The following LHFPL2 variants were observed in gnomAD, a reference collection of about 807,000 sequenced individuals.
The protein encoded by LHFPL2 is LHFPL tetraspan subfamily member 2 protein.
LHFPL2 carries 7 observed loss-of-function variants against 17.5 expected under a neutral mutation model. That is an observed-to-expected ratio of 0.40 (90% CI 0.23 to 0.75). LHFPL2 has a LOEUF of 0.75. Among genes scored for constraint, LHFPL2 ranks in the 30% least tolerant of loss-of-function variants. The probability of loss-of-function intolerance (pLI) is 0.37; values close to 1 mark genes in which losing one functional copy is unlikely to be tolerated. For synonymous variants in LHFPL2, 134 were observed against 116.2 expected (o/e 1.15, Z -0.99); for missense variants, 241 against 294.8 (o/e 0.82, Z 1.34).
chr5:78,642,818 A>G (rs996110717), intron 1 of LHFPL2, among the ~76,000 whole-genome samples: 3 of 152,084 alleles, frequency 2.0e-5, no homozygotes, highest in African/African-American at 4.8e-5. Context: ...GCTTACCTCA[A>G]TGAAAGGTGC....
chr5:78,569,347 C>G (rs1756937327), intron 2 of LHFPL2, among the ~76,000 whole-genome samples: 3 of 152,178 alleles, frequency 2.0e-5, no homozygotes, highest in African/African-American at 7.2e-5. Context: ...TTACTGTGCT[C>G]TACTGATACA....
At position 78,487,306 on chromosome 5, in the gene LHFPL2, C is replaced by G. The variant is rs1271001619; in HGVS notation, c.*1591G>C. 1.3e-5 allele frequency: 2 copies of G among 152,196 alleles called. No homozygotes were observed. Among genetic ancestry groups the G allele is most frequent in the African/African-American group, 4.8e-5 (2 of 41,446 alleles). The allele number at this position is 152,196 out of a possible 1,614,324, so 9.4% of individuals were successfully genotyped here. A position where few individuals can be genotyped will look rare whatever the true frequency, so the allele number is the denominator to read the frequency against. On this transcript the variant is annotated 3_prime_UTR_variant, in exon 5 of 5. Transcript: ENST00000380345. ...CTGCACCAAGATACGGTGCTTTAGA[C>G]TCAGACAGCTTTAACATGATTCACT...
intron 2 of LHFPL2, among the ~76,000 whole-genome samples, chr5:78,604,026 A>G (rs1744123652): frequency 1.3e-5 from 2 of 152,186 alleles, no homozygotes; most frequent in South Asian, 4.1e-4. Flanking sequence ...CAACATAGCA[A>G]GATCCTATCT....
At chr5:78,567,946 G>A (rs1284444213) in intron 2 of LHFPL2, among the ~76,000 whole-genome samples, 1 of 152,084 alleles carries the variant, frequency 6.6e-6, no homozygotes, top group Admixed American at 6.5e-5. Context: ...TTTTTCATTT[G>A]TTCATTTTTG....
At chr5:78,583,396 G>A (rs1393662638) in intron 2 of LHFPL2, among the ~76,000 whole-genome samples, 1 of 151,424 alleles carries the variant, frequency 6.6e-6, no homozygotes, top group Non-Finnish European at 1.5e-5. Flanking sequence ...TTTACATTTT[G>A]GCATGATTTT....
Position 78,509,695 on chromosome 5 carries a change from G to C in LHFPL2, c.430+89C>G, listed in dbSNP as rs149053449. 5.2e-6 allele frequency: 7 copies of C among 1,335,870 alleles called. No individual in the cohort carries two copies. In the African/African-American group the frequency reaches 1.0e-4, roughly 20 times the overall value. 82.8% of individuals were successfully genotyped at this position (1,335,870 alleles called of 1,614,324 possible). A position where few individuals can be genotyped will look rare whatever the true frequency, so the allele number is the denominator to read the frequency against. The stretch of plus-strand genomic sequence containing the variant: ...CAGAAAGTGGTCTTCTCCAAAACTA[G>C]CAGGAAGCGAATGCCCAGTACCAGA... On this transcript the variant is annotated intron_variant, in intron 4 of 4. Coordinates refer to ENST00000380345, the MANE Select transcript of LHFPL2 (RefSeq NM_005779.3).
At chr5:78,600,547 G>A (rs1216784300) in intron 2 of LHFPL2, among the ~76,000 whole-genome samples, 12 of 152,036 alleles carry the variant, frequency 7.9e-5, no homozygotes, top group Non-Finnish European at 1.5e-5. Context: ...TGACCAACAT[G>A]GAGAAACCCT....
At chr5:78,592,929 G>A (rs992376549) in intron 2 of LHFPL2, among the ~76,000 whole-genome samples, 3 of 152,182 alleles carry the variant, frequency 2.0e-5, no homozygotes, top group African/African-American at 7.2e-5. Flanking sequence ...TTCTGGAGCT[G>A]GTGGTGATGG....
At chr5:78,555,130 A>C (rs1756539054) in intron 3 of LHFPL2, among the ~76,000 whole-genome samples, 2 of 152,238 alleles carry the variant, frequency 1.3e-5, no homozygotes, top group African/African-American at 4.8e-5. Context: ...GGAAATAATT[A>C]AGGTCCCAAG....
chr5:78,565,972 T>C (rs1756849374), intron 2 of LHFPL2, among the ~76,000 whole-genome samples: 1 of 152,244 alleles, frequency 6.6e-6, no homozygotes, highest in South Asian at 2.1e-4. Flanking sequence ...AGGCTTATGT[T>C]ATTTAGGACT....
chr5:78,553,515 T>C (rs747083855), intron 3 of LHFPL2, among the ~76,000 whole-genome samples: 25 of 152,202 alleles, frequency 1.6e-4, no homozygotes, highest in Non-Finnish European at 5.9e-5. Context: ...ATATCTGTAG[T>C]GTCCAGATCA....
intron 2 of LHFPL2, among the ~76,000 whole-genome samples, chr5:78,616,993 A>G (rs1418620055): frequency 6.6e-6 from 1 of 152,058 alleles, no homozygotes; most frequent in African/African-American, 2.4e-5. Context: ...GTCCCTTTTA[A>G]TGACAGTAAT....
At chr5:78,632,821 A>C (rs1013692582) in intron 1 of LHFPL2, among the ~76,000 whole-genome samples, 1 of 152,218 alleles carries the variant, frequency 6.6e-6, no homozygotes, top group African/African-American at 2.4e-5. Flanking sequence ...GAGCCTTTGC[A>C]GAGGCACCAG....
chr5:78,628,786 AT>A (rs1438370492), intron 2 of LHFPL2, among the ~76,000 whole-genome samples: 8 of 152,236 alleles, frequency 5.3e-5, no homozygotes, highest in Non-Finnish European at 1.2e-4. Context: ...TCTTTTTCAA[AT>A]TGTGGCCATA....
chr5:78,490,746 C>CAAAAAAAAAAAAAAAAAAA (rs370809060), intron 4 of LHFPL2, among the ~76,000 whole-genome samples: 13 of 92,124 alleles, frequency 1.4e-4, no homozygotes, highest in African/African-American at 6.3e-4. Context: ...GACTCCCTCT[C>CAAAAAAAAAAAAAAAAAAA]AAAAAAAAAA....
At chr5:78,643,431 G>C (rs1015349973) in intron 1 of LHFPL2, among the ~76,000 whole-genome samples, 1 of 152,074 alleles carries the variant, frequency 6.6e-6, no homozygotes, top group African/African-American at 2.4e-5. Flanking sequence ...ATAAGTCGAT[G>C]GTCAGATCCT....
intron 2 of LHFPL2, among the ~76,000 whole-genome samples, chr5:78,600,329 G>C (rs1050119653): frequency 6.6e-6 from 1 of 151,640 alleles, no homozygotes; most frequent in African/African-American, 2.4e-5. Context: ...TTATCAGTAA[G>C]CTCTTCAGTT....
At chr5:78,631,099 A>G (rs1255830763) in intron 2 of LHFPL2, among the ~76,000 whole-genome samples, 1 of 152,264 alleles carries the variant, frequency 6.6e-6, no homozygotes, top group Non-Finnish European at 1.5e-5. Flanking sequence ...AAAGTGTCGT[A>G]TCAAAATGAT....
At chr5:78,588,893 GC>G (rs912489193) in intron 2 of LHFPL2, among the ~76,000 whole-genome samples, 1 of 152,146 alleles carries the variant, frequency 6.6e-6, no homozygotes, top group African/African-American at 2.4e-5. Context: ...TGTTTCATCA[GC>G]CCCTTTCAAA....
Sources: allele counts gnomAD v4.1 joint callset (sites outside exome capture counted in the v4.1 genomes callset), GRCh38; gene constraint gnomAD v4.1.1; transcripts MANE v1.5; gene names NCBI Gene and HGNC (gene_info 2026-07-23, HGNC 2026-07-21).